Variants in ABCB1 observed in about 807,000 individuals in gnomAD.
ABCB1 encodes the protein ATP-dependent translocase ABCB1.
Under a neutral mutation model 142.0 loss-of-function variants are expected in ABCB1, and 69 were observed. The observed-to-expected ratio is 0.49, with a 90% confidence interval of 0.40 to 0.59. ABCB1 has a LOEUF of 0.59. Ranked by LOEUF, ABCB1 falls within the 20% of genes least tolerant of loss-of-function variation. The pLI is 0.00. For synonymous variants in ABCB1, 532 were observed against 539.2 expected, an observed-to-expected ratio of 0.99 and a Z score of 0.18; for missense variants, 1,326 against 1,554.7, an observed-to-expected ratio of 0.85 and a Z score of 2.47.
chr7:87,626,426 TATGTATGTGTC>T lies in ABCB1; in HGVS notation c.-330-25359_-330-25349del, dbSNP rs1224298306. Among the ~76,000 whole-genome samples, 181 of 23,070 alleles carry T rather than the reference TATGTATGTGTC, an allele frequency of 7.8e-3. 73 individuals carry two copies. Among genetic ancestry groups the T allele is most frequent in the Non-Finnish European group, 9.0e-3 (150 of 16,606 alleles). The allele number at this position is 23,070 out of a possible 152,430, so 15.1% of individuals were successfully genotyped here. A position where few individuals can be genotyped will look rare whatever the true frequency, so the allele number is the denominator to read the frequency against. Reference sequence around the variant, plus strand: ...ATGTATGTGTCATATATATGTGTCATATGTATGTGTCATATATGTGTCATATATATGTGTCA... The same window carrying T: ...ATGTATGTGTCATATATATGTGTCATATATATGTGTCATATATATGTGTCA... On this transcript the variant is annotated intron_variant, in intron 1 of 28. Transcript: ENST00000265724.
chr7:87,653,782 A>G (rs906538098), intron 1 of ABCB1, among the ~76,000 whole-genome samples: 1 of 151,946 alleles, frequency 6.6e-6, no homozygotes, highest in African/African-American at 2.4e-5. Context: ...ATCTTCTGGA[A>G]CCACCACAGT....
chr7:87,657,034 CTG>C (rs1436649555), intron 1 of ABCB1, among the ~76,000 whole-genome samples: 1 of 152,136 alleles, frequency 6.6e-6, no homozygotes, highest in Non-Finnish European at 1.5e-5. Flanking sequence ...ACTTGTACCT[CTG>C]GGAAGATGAA....
intron 3 of ABCB1, among the ~76,000 whole-genome samples, chr7:87,593,413 C>T (rs1397710747): frequency 6.6e-6 from 1 of 152,154 alleles, no homozygotes; most frequent in Non-Finnish European, 1.5e-5. Context: ...TCTTTCATCA[C>T]TTTTTTAAGA....
chr7:87,610,288 A>G (rs932770131), intron 1 of ABCB1, among the ~76,000 whole-genome samples: 1 of 107,252 alleles, frequency 9.3e-6, no homozygotes, highest in African/African-American at 3.8e-5. Context: ...CCCGGGCTGT[A>G]TTGCAATGGT....
At position 87,539,252 on chromosome 7, in the gene ABCB1, C is replaced by T; in HGVS notation, c.2397+16G>A. On this transcript the variant is annotated intron_variant, in intron 19 of 27. Coordinates refer to ENST00000622132, the MANE Select transcript of ABCB1 (RefSeq NM_001348946.2). The stretch of plus-strand genomic sequence containing the variant: ...GAGTTCTACACATCCCAGGGCACAG[C>T]CCTCGATAGACATACCTGTCTGAGC... 6.2e-7 allele frequency: 1 copy of T among 1,613,154 alleles called. No individual in the cohort carries two copies. The highest frequency in any genetic ancestry group is 1.7e-5 in the Admixed American group (1 of 60,014).
At chr7:87,553,317 C>CTTTTT (rs941637830) in intron 9 of ABCB1, among the ~76,000 whole-genome samples, 18 of 112,662 alleles carry the variant, frequency 1.6e-4, no homozygotes, top group Non-Finnish European at 2.3e-4. Context: ...TTTTTTTCCA[C>CTTTTT]TTTTTTTTTT....
chr7:87,648,114 G>GTGTCTTTACATGGCAGAAGAGGCAAACAA (rs1563101409), intron 1 of ABCB1, among the ~76,000 whole-genome samples: 3 of 151,134 alleles, frequency 2.0e-5, no homozygotes, highest in Non-Finnish European at 4.4e-5. Context: ...GAACCGGGGT[G>GTGTCTTTACATGGCAGAAGAGGCAAACAA]GCATAGCTTA....
At position 87,553,879 on chromosome 7, in the gene ABCB1, G is replaced by GT; in HGVS notation, c.880dup (p.Thr294AsnfsTer51). 1 of 1,614,072 alleles carries GT rather than the reference G, an allele frequency of 6.2e-7. No homozygotes were observed. On this transcript the variant is annotated frameshift_variant, in exon 9 of 28. Coordinates refer to ENST00000622132, the MANE Select transcript of ABCB1 (RefSeq NM_001348946.2). LOFTEE classifies it high-confidence loss of function. ...AGCAGCACCTATAGAAATATTGGCT[G>GT]TAATAGCTTTCTTTATCCCAATTCT...
At chr7:87,576,425 A>T (rs1435147840) in intron 4 of ABCB1, among the ~76,000 whole-genome samples, 2 of 149,352 alleles carry the variant, frequency 1.3e-5, no homozygotes, top group African/African-American at 2.4e-5. Flanking sequence ...GTGTGTAAGT[A>T]TATATTATAT....
Position 87,539,272 on chromosome 7 carries a change from C to T in ABCB1, c.2393G>A (p.Arg798Lys). 1.9e-6 allele frequency: 3 copies of T among 1,614,050 alleles called. No individual in the cohort carries two copies. Among genetic ancestry groups the T allele is most frequent in the Non-Finnish European group, 2.5e-6 (3 of 1,179,982 alleles). Residue 798 changes from arginine to lysine, a missense_variant, in exon 19 of 28, where the codon AGA becomes AAA. Transcript: ENST00000622132. ...LRYMVFRSML[R>K]QDVSWFDDPK... ...CACAGCCCTCGATAGACATACCTGT[C>T]TGAGCATGGATCGGAAAACCATGTA...
chr7:87,611,257 G>A (rs1290573255), intron 1 of ABCB1, among the ~76,000 whole-genome samples: 1 of 152,066 alleles, frequency 6.6e-6, no homozygotes, highest in Non-Finnish European at 1.5e-5. Flanking sequence ...CCAGTCTTCT[G>A]TCAGCTCCTT....
At chr7:87,513,302 A>G (rs1425160230) in intron 25 of ABCB1, among the ~76,000 whole-genome samples, 1 of 152,098 alleles carries the variant, frequency 6.6e-6, no homozygotes, top group African/African-American at 2.4e-5. Flanking sequence ...TTTATTAAAT[A>G]CTTATCTACT....
At position 87,653,734 on chromosome 7, in the gene ABCB1, T is replaced by C. The variant is rs555338422; in HGVS notation, c.-330-52656A>G. Among the ~76,000 whole-genome samples the C allele has an allele frequency of 2.0e-5, 3 of 152,156 alleles. No individual in the cohort carries two copies. In the East Asian group the frequency reaches 5.8e-4, roughly 29 times the overall value. On this transcript the variant is annotated intron_variant, in intron 1 of 28. Coordinates refer to the ABCB1 transcript ENST00000265724. ...TATAATCCTTTTCCCAAGTTCCCTC[T>C]TTTCTTTCTCCCAGGTAAGGTATTG...
chr7:87,653,529 T>G (rs933650529), intron 1 of ABCB1, among the ~76,000 whole-genome samples: 1 of 152,118 alleles, frequency 6.6e-6, no homozygotes, highest in Non-Finnish European at 1.5e-5. Flanking sequence ...GTCTTTGCCT[T>G]AACACTTCTG....
intron 1 of ABCB1, among the ~76,000 whole-genome samples, chr7:87,659,851 C>T (rs1268845778): frequency 6.6e-6 from 1 of 152,092 alleles, no homozygotes; most frequent in African/African-American, 2.4e-5. Flanking sequence ...GAAAATACAT[C>T]TACTTAATTT....
At chr7:87,519,633 T>C (rs1012417397) in intron 22 of ABCB1, among the ~76,000 whole-genome samples, 167 bp from the exon 23 acceptor site, 3 of 152,222 alleles carry the variant, frequency 2.0e-5, no homozygotes, top group Admixed American at 1.3e-4. Context: ...TTGTGCAAAT[T>C]TGGGAAACTG....
chr7:87,671,240 A>C (rs1265243096), intron 1 of ABCB1, among the ~76,000 whole-genome samples: 4 of 152,050 alleles, frequency 2.6e-5, no homozygotes, highest in Admixed American at 2.6e-4. Flanking sequence ...AACTGGTTGG[A>C]GGTGTGGACA....
chr7:87,621,897 A>C (rs2130098439), intron 1 of ABCB1, among the ~76,000 whole-genome samples: 1 of 152,254 alleles, frequency 6.6e-6, no homozygotes, highest in African/African-American at 2.4e-5. Flanking sequence ...GATAAATTTA[A>C]TATTGGCAGT....
intron 1 of ABCB1, among the ~76,000 whole-genome samples, chr7:87,703,885 CTTTTTTTTTT>C: frequency 4.8e-4 from 29 of 60,290 alleles, no homozygotes; most frequent in African/African-American, 1.8e-3. Context: ...TCAGTTTTTT[CTTTTTTTTTT>C]TTTTTTTTTT....
Sources: allele counts gnomAD v4.1 joint callset (sites outside exome capture counted in the v4.1 genomes callset), GRCh38; gene constraint gnomAD v4.1.1; transcripts MANE v1.5; gene names NCBI Gene and HGNC (gene_info 2026-07-23, HGNC 2026-07-21).